The following GFM2 variants were observed in gnomAD, a reference collection of about 807,000 sequenced individuals.
The protein encoded by GFM2 is GTP dependent ribosome recycling factor mitochondrial 2.
A neutral mutation model predicts 95.4 loss-of-function variants in GFM2; 72 were observed. That is an observed-to-expected ratio of 0.76 (90% CI 0.62 to 0.92). GFM2 has a LOEUF of 0.92. Ranked by LOEUF, GFM2 falls within the 40% of genes least tolerant of loss-of-function variation. The pLI, the probability that GFM2 is intolerant of heterozygous loss-of-function variation, is 0.00. For synonymous variants in GFM2, 276 were observed against 317.5 expected (o/e 0.87, Z 1.39); for missense variants, 825 against 924.1 (o/e 0.89, Z 1.39).
chr5:74,727,583 G>C lies in GFM2; in HGVS notation c.1727-1457C>G, dbSNP rs1750206339. 2.0e-5 allele frequency among the ~76,000 whole-genome samples: 3 copies of C among 152,086 alleles called. No homozygotes were observed. In the South Asian group the frequency reaches 6.2e-4, roughly 32 times the overall value. On this transcript the variant is annotated intron_variant, in intron 17 of 20. Transcript: ENST00000296805. The stretch of plus-strand genomic sequence containing the variant: ...ATGTATTATTATAAGTATGAACTTA[G>C]AAACTATTTTTTCCCAATGGTCTAT...
Position 74,721,747 on chromosome 5 carries a change from A to T in GFM2, c.2248T>A (p.Ser750Thr). The T allele has an allele frequency of 6.2e-7, 1 of 1,613,584 alleles. No homozygotes were observed. The highest frequency in any genetic ancestry group is 8.5e-7 in the Non-Finnish European group (1 of 1,179,682). The change falls in exon 21 of 21, where the codon TCA becomes ACA. Residue 750 changes from serine to threonine, a missense_variant. Physicochemically the swap from Ser to Thr is moderately conservative, Grantham distance 58 (BLOSUM62 1). Transcript: ENST00000296805. ...STVLRTLTSG[S>T]ATFALELSTY... ...GATAGTTCTAAGGCAAAAGTAGCTG[A>T]GCCTGATGTTAGCGTTCGAAGCACA...
chr5:74,738,275 T>C, intron 14 of GFM2, 43 bp downstream of exon 14: 1 of 1,460,266 alleles, frequency 6.8e-7, no homozygotes, highest in Non-Finnish European at 9.5e-7. Flanking sequence ...TGTAATTAAA[T>C]ATTTAAGCTG....
At chr5:74,761,806 T>C (rs1467825073) in intron 2 of GFM2, among the ~76,000 whole-genome samples, 2 of 152,184 alleles carry the variant, frequency 1.3e-5, no homozygotes, top group Non-Finnish European at 2.9e-5. Flanking sequence ...GATATACATT[T>C]AATAGCTGCC....
chr5:74,744,615 T>C lies in GFM2; in HGVS notation c.849+1063A>G, dbSNP rs146227102. ...TTTGAAGGTGGATGAGGCCCAGAGC[T>C]ATATACCAACTATAAAATTGATGGT... is the stretch of plus-strand genomic sequence containing the variant. On this transcript the variant is annotated intron_variant, in intron 10 of 20. Transcript: ENST00000296805. Among the ~76,000 whole-genome samples, 620 of 152,296 alleles carry C rather than the reference T, an allele frequency of 4.1e-3. 9 individuals carry two copies. The highest frequency in any genetic ancestry group is 0.014 in the African/African-American group (582 of 41,554).
At chr5:74,762,148 C>CA (rs921889747) in intron 2 of GFM2, among the ~76,000 whole-genome samples, 6 of 150,440 alleles carry the variant, frequency 4.0e-5, no homozygotes, top group East Asian at 1.9e-4. Flanking sequence ...TTTAAAGTAG[C>CA]AAAAAAAAAT....
rs1299948308 is a variant in GFM2 at position 74,750,650 on chromosome 5, A to C, written c.448T>G (p.Leu150Val). The change falls in exon 7 of 21, where the codon TTG becomes GTG. Residue 150 changes from leucine (L) to valine (V), a missense_variant. Physicochemically the swap from Leu to Val is conservative, Grantham distance 32. Transcript: ENST00000296805. Reference protein sequence around the residue: ...IDTPGHVDFTLEVERCLRVLD... With the variant: ...IDTPGHVDFTVEVERCLRVLD... ...ACTCTTAGGCACCGCTCAACCTCCA[A>C]GGTAAAGTCCACATGACCTAAGAAA... is the stretch of plus-strand genomic sequence containing the variant. 2 of 1,613,004 alleles carry C rather than the reference A, an allele frequency of 1.2e-6. No homozygotes were observed. Among genetic ancestry groups the C allele is most frequent in the South Asian group, 1.1e-5 (1 of 90,998 alleles).
chr5:74,741,609 C>T lies in GFM2; in HGVS notation c.850G>A (p.Val284Ile), dbSNP rs747180033. ...TEARNALIEQ[V>I]ADLDDEFADL... ...GCAAATTCATCATCCAAATCTGCAA[C>T]CTATAAAGAAAGGTTTTAGAGTTCT... The change falls in exon 11 of 21, where the codon GTT (valine) becomes ATT (isoleucine). Residue 284 changes from valine (V) to isoleucine (I), a missense_variant and splice_region_variant. By Grantham distance (29) the Val-to-Ile change is conservative. Coordinates refer to ENST00000296805, the MANE Select transcript of GFM2 (RefSeq NM_032380.5). 6.5e-7 allele frequency: 1 copy of T among 1,548,910 alleles called. No individual in the cohort carries two copies. The highest frequency in any genetic ancestry group is 1.7e-5 in the Admixed American group (1 of 57,394).
At chr5:74,761,129 T>C (rs1449668827) in intron 2 of GFM2, 143 bp from the exon 3 acceptor site, 1 of 566,614 alleles carries the variant, frequency 1.8e-6, no homozygotes, top group Non-Finnish European at 3.1e-6. Context: ...TCCAATTCTT[T>C]TAAAAAGTGA....
chr5:74,742,848 T>C (rs1294669027), intron 10 of GFM2, among the ~76,000 whole-genome samples: 1 of 151,984 alleles, frequency 6.6e-6, no homozygotes, highest in African/African-American at 2.4e-5. Context: ...TTTGTATTTT[T>C]AGTAGAGACA....
intron 15 of GFM2, 23 bp from the exon 16 acceptor site, chr5:74,733,121 CT>C: frequency 6.6e-7 from 1 of 1,507,634 alleles, no homozygotes; most frequent in Non-Finnish European, 9.2e-7. Flanking sequence ...CAACTGTTAT[CT>C]TTACATTTCA....
At chr5:74,729,151 G>C (rs1750297054) in intron 17 of GFM2, among the ~76,000 whole-genome samples, 1 of 152,142 alleles carries the variant, frequency 6.6e-6, no homozygotes, top group South Asian at 2.1e-4. Flanking sequence ...TTACACTAAA[G>C]AACTAAGTTC....
chr5:74,729,941 T>C (rs1411420598), intron 17 of GFM2, among the ~76,000 whole-genome samples: 1 of 152,184 alleles, frequency 6.6e-6, no homozygotes, highest in African/African-American at 2.4e-5. Context: ...AAATAACACA[T>C]TGACTTCAAA....
chr5:74,756,433 T>C (rs1186086119), intron 5 of GFM2, among the ~76,000 whole-genome samples: 1 of 152,150 alleles, frequency 6.6e-6, no homozygotes, highest in African/African-American at 2.4e-5. Flanking sequence ...CTTTATCCAC[T>C]CATTGATTGG....
At chr5:74,722,644 A>G (rs1749961136) in intron 19 of GFM2, 83 bp from the exon 20 acceptor site, 1 of 1,121,078 alleles carries the variant, frequency 8.9e-7, no homozygotes, top group Non-Finnish European at 1.3e-6. Flanking sequence ...ACAAAAAGAC[A>G]TAAGCTTGCT....
chr5:74,729,678 C>CT (rs35280586), intron 17 of GFM2, among the ~76,000 whole-genome samples: 9,847 of 134,836 alleles, frequency 0.073, 759 homozygotes, highest in African/African-American at 0.2. Context: ...TCCTAAACGT[C>CT]TTTTTTTTTT....
At chr5:74,750,775 G>A (rs1005215790) in intron 6 of GFM2, 108 bp from the exon 7 acceptor site, 1 of 708,138 alleles carries the variant, frequency 1.4e-6, no homozygotes, top group African/African-American at 1.8e-5. Flanking sequence ...ATATATATGT[G>A]TATATATATA....
At chr5:74,738,784 C>T (rs1742970355) in intron 12 of GFM2, 142 bp from the exon 13 acceptor site, 1 of 677,862 alleles carries the variant, frequency 1.5e-6, no homozygotes, top group African/African-American at 1.9e-5. Flanking sequence ...TTACGTAACT[C>T]TCTTCTTCCA....
chr5:74,732,401 C>CT (rs1192485784), intron 16 of GFM2, among the ~76,000 whole-genome samples: 1 of 151,994 alleles, frequency 6.6e-6, no homozygotes, highest in African/African-American at 2.4e-5. Flanking sequence ...TCAGTTTATC[C>CT]TTTTTAAAGA....
intron 2 of GFM2, 103 bp from the exon 3 acceptor site, chr5:74,761,089 ATAGCTT>A: frequency 1.4e-6 from 1 of 694,774 alleles, no homozygotes; most frequent in Non-Finnish European, 2.5e-6. Context: ...AATATTTTGT[ATAGCTT>A]TAAAGTAGTC....
Sources: allele counts gnomAD v4.1 joint callset (sites outside exome capture counted in the v4.1 genomes callset), GRCh38; gene constraint gnomAD v4.1.1; transcripts MANE v1.5; gene names NCBI Gene and HGNC (gene_info 2026-07-23, HGNC 2026-07-21).